The following STK3 variants were observed in gnomAD, a reference collection of about 807,000 sequenced individuals.
The protein encoded by STK3 is serine/threonine-protein kinase 3.
STK3 carries 41 observed loss-of-function variants against 58.0 expected under a neutral mutation model. The observed-to-expected ratio is 0.71, with a 90% CI of 0.55 to 0.92. The LOEUF is 0.92. Ranked by LOEUF, STK3 falls within the 40% of genes least tolerant of loss-of-function variation. The probability of loss-of-function intolerance (pLI) is 0.00; values close to 1 mark genes in which losing one functional copy is unlikely to be tolerated. For synonymous variants in STK3, 170 were observed against 191.0 expected (o/e 0.89, Z 0.91); for missense variants, 479 against 602.7 (o/e 0.79, Z 2.15).
chr8:98,932,951 C>T (rs1840055297), intron 1 of STK3, among the ~76,000 whole-genome samples: 1 of 152,222 alleles, frequency 6.6e-6, no homozygotes, highest in Non-Finnish European at 1.5e-5. Flanking sequence ...CAGGTCTGTG[C>T]TGTGGAAAAG....
intron 4 of STK3, among the ~76,000 whole-genome samples, chr8:98,732,552 G>A (rs1248566258): frequency 2.0e-5 from 3 of 152,198 alleles, no homozygotes; most frequent in African/African-American, 4.8e-5. Context: ...GATATGCAAA[G>A]GCTCAAATAA....
At chr8:98,743,374 T>A (rs993405546) in intron 4 of STK3, among the ~76,000 whole-genome samples, 1 of 152,082 alleles carries the variant, frequency 6.6e-6, no homozygotes, top group Non-Finnish European at 1.5e-5. Context: ...ATGGTACTGG[T>A]ACCAAAACAG....
chr8:98,918,007 AG>A (rs1400664431), intron 1 of STK3, among the ~76,000 whole-genome samples: 2 of 152,214 alleles, frequency 1.3e-5, no homozygotes, highest in African/African-American at 4.8e-5. Context: ...TGCTTTCTAT[AG>A]GGCAGACATT....
intron 1 of STK3, among the ~76,000 whole-genome samples, chr8:98,934,026 G>C (rs1402049439): frequency 2.0e-5 from 3 of 152,154 alleles, no homozygotes; most frequent in African/African-American, 7.2e-5. Context: ...GGGTCTGCTT[G>C]CAGTTTTGAC....
chr8:98,487,553 T>A (rs1446358532), intron 10 of STK3, among the ~76,000 whole-genome samples: 2 of 152,214 alleles, frequency 1.3e-5, no homozygotes, highest in Non-Finnish European at 2.9e-5. Flanking sequence ...CAGTCTAAAT[T>A]TTTTGTCAGG....
At chr8:98,583,841 GTGTA>G (rs989427250) in intron 7 of STK3, among the ~76,000 whole-genome samples, 10 of 148,132 alleles carry the variant, frequency 6.8e-5, no homozygotes, top group South Asian at 2.4e-4. Flanking sequence ...AAGAGAGAGA[GTGTA>G]TGTGTGTGTG....
the STK3 span, among the ~76,000 whole-genome samples, chr8:98,346,375 AG>A: frequency 2.6e-5 from 4 of 151,774 alleles, no homozygotes; most frequent in Non-Finnish European, 5.9e-5. Flanking sequence ...AAAGGAGAGG[AG>A]GGGGAGTAGG....
At chr8:98,573,394 G>A (rs113322759) in intron 8 of STK3, among the ~76,000 whole-genome samples, 2,651 of 152,222 alleles carry the variant, frequency 0.017, 72 homozygotes, top group African/African-American at 0.061. Context: ...GAGAACTGCT[G>A]AGCAAAGTGG....
chr8:98,423,781 G>A (rs1300665307), intron 3 of STK3, among the ~76,000 whole-genome samples: 2 of 152,350 alleles, frequency 1.3e-5, no homozygotes, highest in Non-Finnish European at 1.5e-5. Flanking sequence ...TCGCCTGTCA[G>A]GGGGAGAAAA....
chr8:98,793,611 C>A (rs868610812), intron 1 of STK3, among the ~76,000 whole-genome samples: 3 of 152,150 alleles, frequency 2.0e-5, no homozygotes, highest in Admixed American at 6.5e-5. Context: ...CAACAGCCCA[C>A]TGACTAATGC....
intron 9 of STK3, among the ~76,000 whole-genome samples, chr8:98,542,093 T>C (rs1466114257): frequency 6.6e-6 from 1 of 152,214 alleles, no homozygotes; most frequent in Non-Finnish European, 1.5e-5. Flanking sequence ...TTTTATAGGA[T>C]CCTTGTGAGG....
chr8:98,605,015 G>C (rs1258564890), intron 6 of STK3, among the ~76,000 whole-genome samples: 1 of 152,148 alleles, frequency 6.6e-6, no homozygotes, highest in Admixed American at 6.5e-5. Context: ...CCAGTTCCCA[G>C]TAAGTTCCTC....
rs893889864 is a variant in STK3 at position 98,494,204 on chromosome 8, T to C, written c.1317+32538A>G. Among the ~76,000 whole-genome samples the C allele has an allele frequency of 6.6e-5, 10 of 152,176 alleles. No individual in the cohort carries two copies. In the South Asian group the frequency reaches 1.4e-3, roughly 22 times the overall value. On this transcript the variant is annotated intron_variant, in intron 10 of 10. Coordinates refer to ENST00000419617, the MANE Select transcript of STK3 (RefSeq NM_006281.4). ...AGCCTCATTTCTACCACTTTCCAAC[T>C]CAATTTCATGCTCTAGCAACACTGA...
intron 1 of STK3, among the ~76,000 whole-genome samples, chr8:98,899,645 G>A (rs1048594119): frequency 2.6e-5 from 4 of 152,146 alleles, no homozygotes. Context: ...GGGGAGTCCT[G>A]GGACCAATTT....
At chr8:98,590,787 G>T (rs1815241555) in intron 7 of STK3, among the ~76,000 whole-genome samples, 1 of 152,198 alleles carries the variant, frequency 6.6e-6, no homozygotes, top group South Asian at 2.1e-4. Context: ...TGAACTAAGT[G>T]AACCATTTAG....
chr8:98,711,511 A>T (rs1401947384), intron 4 of STK3, among the ~76,000 whole-genome samples: 1 of 152,258 alleles, frequency 6.6e-6, no homozygotes, highest in African/African-American at 2.4e-5. Flanking sequence ...AGCCGATTCA[A>T]TCAACTGGAA....
At chr8:98,900,665 C>CTT (rs944171968) in intron 1 of STK3, among the ~76,000 whole-genome samples, 1 of 141,488 alleles carries the variant, frequency 7.1e-6, no homozygotes, top group Non-Finnish European at 1.6e-5. Context: ...TTCTTTTTTT[C>CTT]TTTTTTTTTT....
At position 98,741,906 on chromosome 8, in the gene STK3, C is replaced by A. The variant is rs1465334067; in HGVS notation, c.351+7370G>T. On this transcript the variant is annotated intron_variant, in intron 4 of 10. Coordinates refer to ENST00000419617, the MANE Select transcript of STK3 (RefSeq NM_006281.4). ...AAAAATGATAAAGGGGATATCACGA[C>A]CGATCCCACAGAAATACAAACTACC... is the stretch of plus-strand genomic sequence containing the variant. Among the ~76,000 whole-genome samples the A allele has an allele frequency of 5.9e-5, 9 of 152,238 alleles. No individual in the cohort carries two copies. In the East Asian group the frequency reaches 1.5e-3, roughly 26 times the overall value.
intron 10 of STK3, among the ~76,000 whole-genome samples, chr8:98,488,569 G>A (rs189709108): frequency 1.4e-4 from 22 of 152,140 alleles, no homozygotes; most frequent in African/African-American, 2.4e-5. Flanking sequence ...TCACAACCTC[G>A]TCTGCTAGGC....
Sources: allele counts gnomAD v4.1 joint callset (sites outside exome capture counted in the v4.1 genomes callset), GRCh38; gene constraint gnomAD v4.1.1; transcripts MANE v1.5; gene names NCBI Gene and HGNC (gene_info 2026-07-23, HGNC 2026-07-21).